NTN1: variants seen among roughly 807,000 people sequenced by gnomAD.
NTN1 encodes the protein netrin-1.
A neutral mutation model predicts 54.2 loss-of-function variants in NTN1; 11 were observed. The ratio of observed to expected loss-of-function variants is 0.20; its 90% CI spans 0.13 to 0.34. The LOEUF is 0.34. NTN1 is among the 10% of genes least tolerant of loss of function. NTN1 has a pLI of 1.00. For synonymous variants in NTN1, 371 were observed against 382.0 expected (o/e 0.97, Z 0.33); for missense variants, 740 against 893.1 (o/e 0.83, Z 2.18).
At chr17:9,145,545 T>C (rs913393135) in intron 2 of NTN1, among the ~76,000 whole-genome samples, 4 of 152,186 alleles carry the variant, frequency 2.6e-5, no homozygotes, top group African/African-American at 9.6e-5. Context: ...CTGTCACTCC[T>C]GTGAGCTGTG....
chr17:9,123,530 A>G (rs1293587819), intron 2 of NTN1, among the ~76,000 whole-genome samples: 3 of 152,244 alleles, frequency 2.0e-5, no homozygotes, highest in Non-Finnish European at 2.9e-5. Context: ...TCAGTATCAT[A>G]CTTCAGAAAG....
intron 3 of NTN1, among the ~76,000 whole-genome samples, chr17:9,167,376 G>T: frequency 6.6e-6 from 1 of 152,160 alleles, no homozygotes; most frequent in East Asian, 1.9e-4. Context: ...TGCCCCCATT[G>T]ATAACAATAT....
intron 2 of NTN1, among the ~76,000 whole-genome samples, chr17:9,110,515 C>A (rs2092186830): frequency 6.6e-6 from 1 of 152,056 alleles, no homozygotes; most frequent in South Asian, 2.1e-4. Flanking sequence ...GGTGATCCAC[C>A]TGCCTTCTTG....
At chr17:9,234,964 G>GTTTT (rs10650921) in intron 6 of NTN1, among the ~76,000 whole-genome samples, 17,342 of 129,940 alleles carry the variant, frequency 0.13, 1,429 homozygotes, top group East Asian at 0.17. Flanking sequence ...TTGTTTTTTG[G>GTTTT]TTTTTTTTTT....
At chr17:9,094,665 T>C (rs1231852952) in intron 2 of NTN1, among the ~76,000 whole-genome samples, 3 of 152,046 alleles carry the variant, frequency 2.0e-5, no homozygotes, top group Non-Finnish European at 4.4e-5. Context: ...TATTGTCCTT[T>C]ATGAAATCTT....
At chr17:9,218,915 G>GAAAA (rs58849878) in intron 5 of NTN1, among the ~76,000 whole-genome samples, 3 of 141,146 alleles carry the variant, frequency 2.1e-5, no homozygotes, top group African/African-American at 7.8e-5. Context: ...TGGCTTTTGT[G>GAAAA]AAAAAAAAAA....
chr17:9,054,274 C>CGAAGAG (rs1289947140), intron 2 of NTN1, among the ~76,000 whole-genome samples: 1 of 152,094 alleles, frequency 6.6e-6, no homozygotes, highest in African/African-American at 2.4e-5. Context: ...AGTGGATCCC[C>CGAAGAG]GAAGAGCCGA....
intron 2 of NTN1, among the ~76,000 whole-genome samples, chr17:9,080,875 G>T (rs1415085528): frequency 1.3e-5 from 2 of 152,166 alleles, no homozygotes; most frequent in Admixed American, 6.5e-5. Flanking sequence ...CCCAGGGAGG[G>T]CATGGAAGCT....
Position 9,221,145 on chromosome 17 carries a change from G to GGGCC in NTN1, c.1412-23_1412-22insGGCC. On this transcript the variant is annotated intron_variant, in intron 5 of 6. Coordinates refer to ENST00000173229, the MANE Select transcript of NTN1 (RefSeq NM_004822.3). The surrounding 1 kb of genome is among the most constrained non-coding windows in gnomAD (Gnocchi z 4.5). ...GCCAGCCTAATTAGTTTTTGTCTGT[G>GGGCC]CTCCCCCCCCACCCCCCTGCAGACT... 6.6e-7 allele frequency: 1 copy of GGGCC among 1,503,980 alleles called. No homozygotes were observed. The highest frequency in any genetic ancestry group is 1.7e-5 in the African/African-American group (1 of 58,692). The allele number at this position is 1,503,980 out of a possible 1,614,324, so 93.2% of individuals were successfully genotyped here.
rs55880198 is a variant in NTN1 at position 9,096,366 on chromosome 17, C to CCTTTTTTTTTTTTTTTTTTTTTTTTTTT, written c.1019-66447_1019-66446insCTTTTTTTTTTTTTTTTTTTTTTTTTTT. Among the ~76,000 whole-genome samples the CCTTTTTTTTTTTTTTTTTTTTTTTTTTT allele has an allele frequency of 1.4e-4, 13 of 91,510 alleles. 6 individuals are homozygous for CCTTTTTTTTTTTTTTTTTTTTTTTTTTT. Among genetic ancestry groups the CCTTTTTTTTTTTTTTTTTTTTTTTTTTT allele is most frequent in the Non-Finnish European group, 1.0e-4 (5 of 49,116 alleles). 60.0% of individuals were successfully genotyped at this position (91,510 alleles called of 152,430 possible). A position where few individuals can be genotyped will look rare whatever the true frequency, so the allele number is the denominator to read the frequency against. On this transcript the variant is annotated intron_variant, in intron 2 of 6. Coordinates refer to ENST00000173229, the MANE Select transcript of NTN1 (RefSeq NM_004822.3). ...TGTCTTCCTGGGTTTTATGGGTAGA[C>CCTTTTTTTTTTTTTTTTTTTTTTTTTTT]TTTTTTTTTTTTTTTTTTTTTTGAG...
intron 6 of NTN1, among the ~76,000 whole-genome samples, chr17:9,229,164 G>A (rs1308035342): frequency 1.3e-5 from 1 of 79,126 alleles, no homozygotes; most frequent in Non-Finnish European, 2.4e-5. Flanking sequence ...GACTGTGTGA[G>A]ACTGTGTGTG....
At chr17:9,040,133 G>A (rs1014394570) in intron 2 of NTN1, among the ~76,000 whole-genome samples, 4 of 152,148 alleles carry the variant, frequency 2.6e-5, no homozygotes, top group African/African-American at 9.7e-5. Context: ...AGTTTCTCCA[G>A]TCCATTTCCT....
chr17:9,211,689 A>G lies in NTN1; in HGVS notation c.1412-9479A>G, dbSNP rs1254031304. On this transcript the variant is annotated intron_variant, in intron 5 of 6. Transcript: ENST00000173229. The surrounding 1 kb of genome is among the most constrained non-coding windows in gnomAD (Gnocchi z 4.4). Reference sequence around the variant, plus strand: ...ATATTTTAATCTGTGCCCCAGCCATATCGTGTGAGTGTGTGTATGCTTGCC... The same window carrying G: ...ATATTTTAATCTGTGCCCCAGCCATGTCGTGTGAGTGTGTGTATGCTTGCC... Among the ~76,000 whole-genome samples the G allele has an allele frequency of 1.3e-5, 2 of 152,168 alleles. No individual in the cohort carries two copies. The highest frequency in any genetic ancestry group is 2.9e-5 in the Non-Finnish European group (2 of 68,022).
rs1439004109 is a variant in NTN1 at position 9,239,682 on chromosome 17, G to C, written c.1529G>C (p.Trp510Ser). 1 of 1,613,118 alleles carries C rather than the reference G, an allele frequency of 6.2e-7. No individual in the cohort carries two copies. The highest frequency in any genetic ancestry group is 8.5e-7 in the Non-Finnish European group (1 of 1,179,350). ...HILKADKAGDWWKFTVNIISV... is the reference protein window; with the variant it reads ...HILKADKAGDSWKFTVNIISV... ...CTGAAGGCGGACAAGGCGGGGGACT[G>C]GTGGAAGTTCACGGTGAACATCATC... Residue 510 changes from tryptophan (W) to serine (S), a missense_variant, in exon 7 of 7, where the codon TGG (tryptophan) becomes TCG (serine). Physicochemically the swap from Trp to Ser is radical, Grantham distance 177. Coordinates refer to ENST00000173229, the MANE Select transcript of NTN1 (RefSeq NM_004822.3). The surrounding 1 kb of genome is among the most constrained non-coding windows in gnomAD (Gnocchi z 5.2).
intron 2 of NTN1, among the ~76,000 whole-genome samples, chr17:9,129,067 A>G (rs962320277): frequency 6.6e-6 from 1 of 152,106 alleles, no homozygotes; most frequent in African/African-American, 2.4e-5. Flanking sequence ...CGGTAACACT[A>G]TCCAAGGCAG....
chr17:9,226,522 TCGTGGGGAGGCG>T (rs1358649093), intron 6 of NTN1, among the ~76,000 whole-genome samples: 7 of 96,834 alleles, frequency 7.2e-5, no homozygotes, highest in African/African-American at 6.5e-5. Context: ...GGAGGTGGTC[TCGTGGGGAGGCG>T]GTCTCGTGGG....
chr17:9,236,183 C>T (rs1017086949), intron 6 of NTN1, among the ~76,000 whole-genome samples: 22 of 152,026 alleles, frequency 1.4e-4, no homozygotes, highest in Non-Finnish European at 2.4e-4. Flanking sequence ...GTCCTCGAGG[C>T]CATGGTCCTA....
At chr17:9,167,747 G>A (rs1324621212) in intron 3 of NTN1, among the ~76,000 whole-genome samples, 1 of 144,686 alleles carries the variant, frequency 6.9e-6, no homozygotes, top group South Asian at 2.3e-4. Context: ...TGCTGGATGG[G>A]GAGGAAATGA....
chr17:9,022,260 G>T (rs1159628664), intron 1 of NTN1, 51 bp from the exon 2 acceptor site: 1 of 1,163,412 alleles, frequency 8.6e-7, no homozygotes, highest in African/African-American at 1.6e-5. Context: ...CCCGCCGAGA[G>T]CTGGAGGGCG....
Sources: gnomAD v4.1 joint callset for allele counts (sites outside exome capture counted in the v4.1 genomes callset) on GRCh38, gnomAD v4.1.1 for gene constraint, Gnocchi (gnomAD v3.1) non-coding constraint, MANE v1.5 for transcripts, NCBI Gene and HGNC (gene_info 2026-07-23, HGNC 2026-07-21) for gene names.